The following ANKRD11 variants were observed in gnomAD, a reference collection of about 807,000 sequenced individuals.
ANKRD11 encodes the protein ankyrin repeat domain 11.
ANKRD11 carries 17 observed loss-of-function variants against 195.7 expected under a neutral mutation model. That is an observed-to-expected ratio of 0.09 (90% CI 0.06 to 0.13). The LOEUF (loss-of-function observed/expected upper bound fraction) is 0.13. Ranked by LOEUF, ANKRD11 falls within the 10% of genes least tolerant of loss-of-function variation. The pLI, the probability that ANKRD11 is intolerant of heterozygous loss-of-function variation, is 1.00. For missense variants in ANKRD11, 3,735 were observed against 3,566.1 expected, an observed-to-expected ratio of 1.05 and a Z score of -1.21; for synonymous variants, 1,953 against 1,528.1, an observed-to-expected ratio of 1.28 and a Z score of -6.49.
rs866418479 is a variant in ANKRD11, at chr16:89,312,372, A to C, written c.87+4561T>G. On this transcript the variant is annotated intron_variant, in intron 3 of 12. Coordinates refer to ENST00000301030, the MANE Select transcript of ANKRD11 (RefSeq NM_013275.6). ...GAGATGAGGACAGTGTGTTCTACAG[A>C]GAGGAATCACGCAGGGGAGGGGCGG... 3.9e-5 allele frequency among the ~76,000 whole-genome samples: 6 copies of C among 152,126 alleles called. No individual in the cohort carries two copies. The East Asian group carries it at 7.7e-4, about 20-fold the overall frequency.
At position 89,282,773 on chromosome 16, in the gene ANKRD11, T is replaced by G. The variant is rs765651820; in HGVS notation, c.3769A>C (p.Lys1257Gln). 4.2e-5 allele frequency: 67 copies of G among 1,612,682 alleles called. No individual in the cohort carries two copies. The highest frequency in any genetic ancestry group is 5.5e-5 in the Non-Finnish European group (65 of 1,180,002). The change falls in exon 9 of 13, where the codon AAA (lysine) becomes CAA (glutamine). Residue 1257 changes from lysine (K) to glutamine (Q), a missense_variant. Lys to Gln is a moderately conservative substitution (Grantham distance 53). Coordinates refer to ENST00000301030, the MANE Select transcript of ANKRD11 (RefSeq NM_013275.6). ...GAATGTTCTTTGTCCGACTTCTCTT[T>G]GTGTTTGCTTTTAGCCTTGTCTTCG... is the stretch of plus-strand genomic sequence containing the variant. ...AAEDKAKSKH[K>Q]EKSDKEHSKE...
At chr16:89,388,293 ATTTTTTTTT>A (rs71134215) in intron 2 of ANKRD11, among the ~76,000 whole-genome samples, 6 of 85,268 alleles carry the variant, frequency 7.0e-5, no homozygotes, top group Non-Finnish European at 9.0e-5. Flanking sequence ...CATGAGGCTG[ATTTTTTTTT>A]TTTTTTTTTT....
chr16:89,456,264 G>A (rs1180126866), intron 1 of ANKRD11, among the ~76,000 whole-genome samples: 1 of 150,872 alleles, frequency 6.6e-6, no homozygotes, highest in African/African-American at 2.4e-5. Flanking sequence ...GGGTGGAAAC[G>A]GGGGCCAGGC....
chr16:89,389,351 T>A (rs962245261), intron 2 of ANKRD11, among the ~76,000 whole-genome samples: 1 of 152,002 alleles, frequency 6.6e-6, no homozygotes, highest in Non-Finnish European at 1.5e-5. Context: ...ACCTAAAATT[T>A]TTCAAAAATA....
chr16:89,308,932 T>C (rs939977304), intron 3 of ANKRD11, among the ~76,000 whole-genome samples: 2 of 152,144 alleles, frequency 1.3e-5, no homozygotes, highest in Non-Finnish European at 2.9e-5. Flanking sequence ...GTGCATGCAG[T>C]GGCAGATGCA....
intron 3 of ANKRD11, among the ~76,000 whole-genome samples, chr16:89,310,743 T>C (rs1052647200): frequency 6.6e-6 from 1 of 152,254 alleles, no homozygotes; most frequent in African/African-American, 2.4e-5. Context: ...CTCTATTATT[T>C]ACGAGTATTT....
chr16:89,369,036 C>G (rs1350680269), intron 2 of ANKRD11, among the ~76,000 whole-genome samples: 2 of 151,976 alleles, frequency 1.3e-5, no homozygotes, highest in Non-Finnish European at 2.9e-5. Context: ...ACTGAGAGAC[C>G]CCCCACTGGC....
intron 1 of ANKRD11, among the ~76,000 whole-genome samples, chr16:89,477,174 T>C (rs1035728944): frequency 3.3e-5 from 5 of 151,280 alleles, no homozygotes; most frequent in Admixed American, 2.6e-4. Flanking sequence ...ATAAAAGCCA[T>C]CACCTTTAAG....
chr16:89,486,946 T>G (rs1306925384), intron 1 of ANKRD11, among the ~76,000 whole-genome samples: 1 of 151,022 alleles, frequency 6.6e-6, no homozygotes, highest in Non-Finnish European at 1.5e-5. Flanking sequence ...GAGGTGGAGG[T>G]TGCAGTGAGT....
rs773224813 is a variant in ANKRD11 at position 89,347,782 on chromosome 16, A to T, written c.-59-30704T>A. On this transcript the variant is annotated intron_variant, in intron 2 of 12. Coordinates refer to ENST00000301030, the MANE Select transcript of ANKRD11 (RefSeq NM_013275.6). ...GATGACCACAAACATCTCCAACATT[A>T]GGCATCTCCAACATTAGGAAAAACA... 7.6e-4 allele frequency among the ~76,000 whole-genome samples: 115 copies of T among 151,264 alleles called. 1 individual carries two copies. Among genetic ancestry groups the T allele is most frequent in the Admixed American group, 1.6e-3 (25 of 15,250 alleles).
intron 2 of ANKRD11, among the ~76,000 whole-genome samples, chr16:89,333,029 G>C (rs946762406): frequency 6.6e-6 from 1 of 152,170 alleles, no homozygotes; most frequent in Non-Finnish European, 1.5e-5. Context: ...TGGTCCCCCA[G>C]AGTGACAGGG....
chr16:89,308,721 T>C (rs1428817050), intron 3 of ANKRD11, among the ~76,000 whole-genome samples: 1 of 152,016 alleles, frequency 6.6e-6, no homozygotes, highest in Non-Finnish European at 1.5e-5. Flanking sequence ...ACAAAAAAAA[T>C]GACACAACTA....
chr16:89,387,622 G>A (rs1356925275), intron 2 of ANKRD11, among the ~76,000 whole-genome samples: 3 of 147,160 alleles, frequency 2.0e-5, no homozygotes, highest in Non-Finnish European at 3.0e-5. Flanking sequence ...GCAGTGAGCC[G>A]AGACTGCACC....
chr16:89,316,815 G>T, intron 3 of ANKRD11, 118 bp downstream of exon 3: 1 of 1,244,450 alleles, frequency 8.0e-7, no homozygotes, highest in Non-Finnish European at 1.1e-6. Context: ...GCTGCAGACA[G>T]AGGCACGAGG....
intron 2 of ANKRD11, among the ~76,000 whole-genome samples, chr16:89,406,944 C>A (rs549274455): frequency 6.6e-6 from 1 of 152,088 alleles, no homozygotes; most frequent in African/African-American, 2.4e-5. Flanking sequence ...TTTGGGAGGC[C>A]AGGGGAAGGG....
At chr16:89,432,389 G>A (rs1192318306) in intron 1 of ANKRD11, among the ~76,000 whole-genome samples, 1 of 152,018 alleles carries the variant, frequency 6.6e-6, no homozygotes, top group Non-Finnish European at 1.5e-5. Flanking sequence ...ACCCATCGCC[G>A]TGGCAGCCGC....
intron 1 of ANKRD11, among the ~76,000 whole-genome samples, chr16:89,484,425 G>T (rs1247223278): frequency 2.6e-5 from 4 of 152,148 alleles, no homozygotes; most frequent in Admixed American, 2.6e-4. Context: ...TTCTTTGATT[G>T]TGTCAGATAT....
chr16:89,350,556 C>T (rs1251744309), intron 2 of ANKRD11, among the ~76,000 whole-genome samples: 3 of 152,220 alleles, frequency 2.0e-5, no homozygotes, highest in Non-Finnish European at 4.4e-5. Context: ...AGAGTCCACA[C>T]TCAATGATTC....
chr16:89,484,701 A>G (rs1171847865), intron 1 of ANKRD11, among the ~76,000 whole-genome samples: 1 of 152,240 alleles, frequency 6.6e-6, no homozygotes, highest in African/African-American at 2.4e-5. Context: ...TTTCAATTTC[A>G]GCCATTCTTA....
Sources: gnomAD v4.1 joint callset for allele counts (sites outside exome capture counted in the v4.1 genomes callset) on GRCh38, gnomAD v4.1.1 for gene constraint, MANE v1.5 for transcripts, NCBI Gene and HGNC (gene_info 2026-07-23, HGNC 2026-07-21) for gene names.